Variants in RNGTT observed in about 807,000 individuals in gnomAD.
RNGTT encodes RNA guanylyltransferase and 5'-phosphatase.
Under a neutral mutation model 79.3 loss-of-function variants are expected in RNGTT, and 33 were observed. That is an observed-to-expected ratio of 0.42 (90% CI 0.32 to 0.56). The LOEUF is 0.56. RNGTT is among the 20% of genes least tolerant of loss of function. The pLI is 0.17. For missense variants in RNGTT, 497 were observed against 739.1 expected (o/e 0.67, Z 3.80); for synonymous variants, 222 against 235.9 (o/e 0.94, Z 0.54).
At chr6:88,648,568 A>G (rs1191155708) in intron 14 of RNGTT, among the ~76,000 whole-genome samples, 1 of 152,060 alleles carries the variant, frequency 6.6e-6, no homozygotes, top group Non-Finnish European at 1.5e-5. Flanking sequence ...CTACCCAACT[A>G]TGCCTCTTGT....
chr6:88,930,512 A>G (rs1406096087), intron 2 of RNGTT, among the ~76,000 whole-genome samples: 1 of 152,018 alleles, frequency 6.6e-6, no homozygotes, highest in Non-Finnish European at 1.5e-5. Flanking sequence ...TTCCTCTCCT[A>G]TTCTTTCAGT....
chr6:88,898,675 A>G (rs1018315016), intron 6 of RNGTT, among the ~76,000 whole-genome samples: 38 of 149,468 alleles, frequency 2.5e-4, no homozygotes, highest in Admixed American at 7.4e-4. Flanking sequence ...GTGTGTGTGT[A>G]TATATATATA....
chr6:88,866,611 C>A (rs1782174218), intron 8 of RNGTT, among the ~76,000 whole-genome samples: 1 of 152,116 alleles, frequency 6.6e-6, no homozygotes, highest in Non-Finnish European at 1.5e-5. Flanking sequence ...GTTTCCTGAT[C>A]ATCTAAAGTC....
chr6:88,643,459 C>G (rs1773405158), intron 14 of RNGTT, among the ~76,000 whole-genome samples: 1 of 152,142 alleles, frequency 6.6e-6, no homozygotes, highest in African/African-American at 2.4e-5. Context: ...AGAAAGTTAA[C>G]AAGGATGTCC....
At chr6:88,694,768 A>C (rs1775602642) in intron 13 of RNGTT, among the ~76,000 whole-genome samples, 2 of 152,172 alleles carry the variant, frequency 1.3e-5, no homozygotes, top group South Asian at 4.1e-4. Context: ...ATGGAAGAGA[A>C]TAGACAGCTC....
intron 13 of RNGTT, among the ~76,000 whole-genome samples, chr6:88,724,820 C>T (rs1012461274): frequency 6.6e-6 from 1 of 152,170 alleles, no homozygotes; most frequent in African/African-American, 2.4e-5. Flanking sequence ...CCATTACCTG[C>T]TCTGTCATAA....
intron 13 of RNGTT, among the ~76,000 whole-genome samples, chr6:88,680,986 C>G (rs957006126): frequency 6.6e-6 from 1 of 152,140 alleles, no homozygotes; most frequent in African/African-American, 2.4e-5. Context: ...CTTGGCCCAT[C>G]ATTTGACAAA....
intron 2 of RNGTT, among the ~76,000 whole-genome samples, chr6:88,931,169 T>C (rs1366057526): frequency 1.7e-5 from 2 of 119,512 alleles, no homozygotes; most frequent in African/African-American, 6.7e-5. Flanking sequence ...CATACTTTAA[T>C]GGAATACTAT....
At chr6:88,921,569 G>A (rs1180305244) in intron 4 of RNGTT, among the ~76,000 whole-genome samples, 1 of 151,852 alleles carries the variant, frequency 6.6e-6, no homozygotes, top group East Asian at 1.9e-4. Context: ...TTACCATACT[G>A]TTAGCTTCTC....
At chr6:88,705,578 C>T (rs1776101316) in intron 13 of RNGTT, among the ~76,000 whole-genome samples, 1 of 152,080 alleles carries the variant, frequency 6.6e-6, no homozygotes, top group Non-Finnish European at 1.5e-5. Flanking sequence ...AGAAGCTTAA[C>T]AGCTTCCTAA....
chr6:88,806,324 T>TG (rs1779952985), intron 11 of RNGTT, among the ~76,000 whole-genome samples: 1 of 151,310 alleles, frequency 6.6e-6, no homozygotes, highest in African/African-American at 2.4e-5. Flanking sequence ...CACGCTTTTT[T>TG]TTTTTTTTTT....
At chr6:88,719,032 A>G (rs184785924) in intron 13 of RNGTT, among the ~76,000 whole-genome samples, 5 of 152,182 alleles carry the variant, frequency 3.3e-5, no homozygotes, top group African/African-American at 9.6e-5. Context: ...TTTCAAGCCT[A>G]ATGTACAAGT....
intron 11 of RNGTT, among the ~76,000 whole-genome samples, chr6:88,828,786 C>A (rs893178614): frequency 6.6e-6 from 1 of 151,586 alleles, no homozygotes; most frequent in South Asian, 2.1e-4. Context: ...GAAAGGATAT[C>A]AGAGATTGAA....
intron 12 of RNGTT, among the ~76,000 whole-genome samples, chr6:88,783,060 T>C (rs372007189): frequency 8.5e-5 from 13 of 152,254 alleles, no homozygotes; most frequent in African/African-American, 2.6e-4. Flanking sequence ...TCTGGAAGTA[T>C]TGAAAACAGG....
At chr6:88,691,096 T>C (rs1775461824) in intron 13 of RNGTT, among the ~76,000 whole-genome samples, 1 of 152,150 alleles carries the variant, frequency 6.6e-6, no homozygotes, top group South Asian at 2.1e-4. Context: ...CAAATTGTAA[T>C]CCCCAATGTT....
intron 11 of RNGTT, among the ~76,000 whole-genome samples, chr6:88,840,218 C>A (rs1055713637): frequency 1.1e-4 from 16 of 152,110 alleles, no homozygotes; most frequent in African/African-American, 3.9e-4. Flanking sequence ...TAGTTATTAT[C>A]CTATAACTGG....
intron 13 of RNGTT, among the ~76,000 whole-genome samples, chr6:88,698,290 T>TGATATATATATGA (rs1775819660): frequency 7.9e-6 from 1 of 127,036 alleles, no homozygotes; most frequent in African/African-American, 3.5e-5. Flanking sequence ...TTCATATATA[T>TGATATATATATGA]CATATATATA....
At chr6:88,678,517 C>T in intron 13 of RNGTT, 98 bp from the exon 14 acceptor site, 1 of 626,504 alleles carries the variant, frequency 1.6e-6, no homozygotes, top group Admixed American at 4.4e-5. Context: ...TATAGATATA[C>T]TATAAAATAT....
intron 13 of RNGTT, among the ~76,000 whole-genome samples, chr6:88,733,406 T>C (rs1353513250): frequency 9.6e-6 from 1 of 103,838 alleles, no homozygotes; most frequent in East Asian, 3.1e-4. Context: ...ATGTCCCAAA[T>C]GCAAAGAGCA....
Sources: gnomAD v4.1 joint callset for allele counts (sites outside exome capture counted in the v4.1 genomes callset) on GRCh38, gnomAD v4.1.1 for gene constraint, MANE v1.5 for transcripts, NCBI Gene and HGNC (gene_info 2026-07-23, HGNC 2026-07-21) for gene names.